Variants in MEIOSIN observed in about 807,000 individuals in gnomAD.
The protein encoded by MEIOSIN is meiosis initiator.
A neutral mutation model predicts 23.4 loss-of-function variants in MEIOSIN; 18 were observed. The observed-to-expected ratio is 0.77, with a 90% CI of 0.53 to 1.14. The LOEUF (loss-of-function observed/expected upper bound fraction) is 1.14, where lower values mean the gene tolerates loss of function less well. Ranked by LOEUF, MEIOSIN falls within the 50% of genes most tolerant of loss-of-function variation. MEIOSIN has a pLI of 0.00. For synonymous variants in MEIOSIN, 187 were observed against 100.6 expected, an observed-to-expected ratio of 1.86 and a Z score of -5.14; for missense variants, 428 against 242.9, an observed-to-expected ratio of 1.76 and a Z score of -5.07.
At chr19:45,760,836 GA>G (rs1968922365) in intron 11 of MEIOSIN, among the ~76,000 whole-genome samples, 1 of 151,174 alleles carries the variant, frequency 6.6e-6, no homozygotes, top group South Asian at 2.1e-4. Context: ...TCTGAGGCAG[GA>G]GAATCACTTG....
Position 45,761,765 on chromosome 19 carries a change from G to C in MEIOSIN, c.1332G>C (p.Ser444=). The C allele has an allele frequency of 1.4e-6, 1 of 701,698 alleles. No individual in the cohort carries two copies. The highest frequency in any genetic ancestry group is 1.5e-5 in the South Asian group (1 of 67,308). The allele number at this position is 701,698 out of a possible 1,614,324, so 43.5% of individuals were successfully genotyped here. The part of the protein sequence containing the change: ...SSVSLDHCYL[S]LSGNSKAPSS... ...TCTCGCTGGACCACTGCTACCTCTC[G>C]CTGAGCGGGAACAGCAAGGCGCCAT... The change falls in exon 12 of 15, where the codon TCG becomes TCC. Residue 444 remains serine (S), a synonymous_variant. Coordinates refer to ENST00000457052, the MANE Select transcript of MEIOSIN (RefSeq NM_001310124.2).
chr19:45,748,218 CA>C (rs929543819), intron 4 of MEIOSIN, among the ~76,000 whole-genome samples: 8 of 152,106 alleles, frequency 5.3e-5, no homozygotes, highest in Non-Finnish European at 1.0e-4. Context: ...GCTGGGACTA[CA>C]GGTGCCCGCC....
At chr19:45,743,950 C>T (rs1186780741) in intron 3 of MEIOSIN, among the ~76,000 whole-genome samples, 2 of 152,116 alleles carry the variant, frequency 1.3e-5, no homozygotes, top group African/African-American at 4.8e-5. Flanking sequence ...AGCCACCACA[C>T]TCAGTCAAAA....
At chr19:45,754,024 C>T (rs1166653495) in intron 6 of MEIOSIN, among the ~76,000 whole-genome samples, 1 of 130,630 alleles carries the variant, frequency 7.7e-6, no homozygotes, top group Non-Finnish European at 1.6e-5. Context: ...ACTCTGTCCA[C>T]CAGGCTGGAG....
intron 2 of MEIOSIN, among the ~76,000 whole-genome samples, chr19:45,735,980 T>C (rs992076029): frequency 1.3e-5 from 2 of 151,904 alleles, no homozygotes; most frequent in Non-Finnish European, 2.9e-5. Context: ...CCCAGCCCAT[T>C]TCTTTTTTTA....
chr19:45,759,631 C>T, intron 11 of MEIOSIN, 141 bp downstream of exon 11: 1 of 624,378 alleles, frequency 1.6e-6, no homozygotes, highest in Non-Finnish European at 2.9e-6. Flanking sequence ...TGCGTCTCCT[C>T]ATCCTTAAAA....
intron 5 of MEIOSIN, among the ~76,000 whole-genome samples, chr19:45,751,471 C>G (rs1968707131): frequency 6.6e-6 from 1 of 151,778 alleles, no homozygotes; most frequent in African/African-American, 2.4e-5. Context: ...CCAGCCTCAT[C>G]TCCTACCATT....
At chr19:45,754,448 C>A (rs746364084) in intron 6 of MEIOSIN, 31 bp from the exon 7 acceptor site, 28 of 691,532 alleles carry the variant, frequency 4.0e-5, no homozygotes, top group Admixed American at 2.9e-4. Flanking sequence ...ACTCCCAGGC[C>A]CCTCTGACAC....
chr19:45,762,593 C>CAT (rs1487349037), intron 13 of MEIOSIN, among the ~76,000 whole-genome samples: 1 of 151,950 alleles, frequency 6.6e-6, no homozygotes, highest in Non-Finnish European at 1.5e-5. Flanking sequence ...GGATAACAGG[C>CAT]GCGCCATCAG....
At chr19:45,758,372 CTTT>C (rs199876494) in intron 9 of MEIOSIN, among the ~76,000 whole-genome samples, 1 of 150,710 alleles carries the variant, frequency 6.6e-6, no homozygotes, top group African/African-American at 2.4e-5. Flanking sequence ...ATTGATTTTT[CTTT>C]TTTTTTGGCC....
intron 11 of MEIOSIN, among the ~76,000 whole-genome samples, chr19:45,760,206 A>G (rs1304715329): frequency 6.6e-6 from 1 of 151,334 alleles, no homozygotes; most frequent in African/African-American, 2.4e-5. Flanking sequence ...GGTGGCTCAC[A>G]CCTGTAATCT....
intron 5 of MEIOSIN, among the ~76,000 whole-genome samples, chr19:45,752,138 A>G (rs1468853988): frequency 2.0e-5 from 3 of 151,560 alleles, no homozygotes; most frequent in East Asian, 1.9e-4. Flanking sequence ...CCAGGACTCA[A>G]AACTCCAGGG....
intron 8 of MEIOSIN, among the ~76,000 whole-genome samples, chr19:45,756,825 A>G (rs1270433911): frequency 6.6e-6 from 1 of 151,960 alleles, no homozygotes; most frequent in Non-Finnish European, 1.5e-5. Flanking sequence ...TCACACTGCC[A>G]CACATTTGCC....
Position 45,754,578 on chromosome 19 carries a change from G to A in MEIOSIN, c.656G>A (p.Gly219Glu), listed in dbSNP as rs1234791698. The A allele has an allele frequency of 1.4e-6, 1 of 703,048 alleles. No individual in the cohort carries two copies. Among genetic ancestry groups the A allele is most frequent in the East Asian group, 2.7e-5 (1 of 37,288 alleles). 43.6% of individuals were successfully genotyped at this position (703,048 alleles called of 1,614,324 possible). ...PSPDQKGSGTGGTTTPPRCPD... is the reference protein window; with the variant it reads ...PSPDQKGSGTEGTTTPPRCPD... ...CCAGACCAGAAAGGAAGTGGCACAG[G>A]GGGGACCACTACCCCTCCAAGGTGC... is the stretch of plus-strand genomic sequence containing the variant. Residue 219 changes from glycine (G) to glutamate (E), a missense_variant, in exon 7 of 15, where the codon GGG becomes GAG. By Grantham distance (98) the Gly-to-Glu change is moderately conservative (BLOSUM62 -2). Coordinates refer to ENST00000457052, the MANE Select transcript of MEIOSIN (RefSeq NM_001310124.2).
chr19:45,743,378 G>GAT (rs199677395), intron 3 of MEIOSIN, among the ~76,000 whole-genome samples: 7 of 151,908 alleles, frequency 4.6e-5, no homozygotes, highest in Non-Finnish European at 8.8e-5. Flanking sequence ...GAAATAATGT[G>GAT]ATATATATAT....
rs1600390568 is a variant in MEIOSIN at position 45,758,912 on chromosome 19, T to C, written c.1047T>C (p.Asp349=). The C allele has an allele frequency of 2.8e-6, 2 of 703,104 alleles. No homozygotes were observed. Among genetic ancestry groups the C allele is most frequent in the Non-Finnish European group, 5.2e-6 (2 of 385,022 alleles). The allele number at this position is 703,104 out of a possible 1,614,324, so 43.6% of individuals were successfully genotyped here. ...SPLFLGPPQI[D]VWSGTGHPSE... ...TGTTCCTGGGGCCTCCCCAGATTGA[T>C]GTCTGGAGTGGAACAGGCCACCCAA... Residue 349 remains aspartate (D), a synonymous_variant, in exon 10 of 15, where the codon GAT becomes GAC. Coordinates refer to ENST00000457052, the MANE Select transcript of MEIOSIN (RefSeq NM_001310124.2).
At chr19:45,746,658 A>G (rs1208847301) in intron 4 of MEIOSIN, among the ~76,000 whole-genome samples, 1 of 152,004 alleles carries the variant, frequency 6.6e-6, no homozygotes, top group Non-Finnish European at 1.5e-5. Flanking sequence ...CGTCTCTACT[A>G]AAAATACAAC....
intron 9 of MEIOSIN, among the ~76,000 whole-genome samples, chr19:45,757,996 G>A (rs1968865128): frequency 7.6e-6 from 1 of 131,010 alleles, no homozygotes; most frequent in Admixed American, 8.9e-5. Flanking sequence ...CCCGACCTCA[G>A]AATCCATTTT....
intron 3 of MEIOSIN, among the ~76,000 whole-genome samples, chr19:45,742,162 C>T (rs1968517303): frequency 6.6e-6 from 1 of 151,878 alleles, no homozygotes; most frequent in Non-Finnish European, 1.5e-5. Context: ...AGGCGTGAGC[C>T]ACCACGCCCA....
Sources: allele counts gnomAD v4.1 joint callset (sites outside exome capture counted in the v4.1 genomes callset), GRCh38; gene constraint gnomAD v4.1.1; transcripts MANE v1.5; gene names NCBI Gene and HGNC (gene_info 2026-07-23, HGNC 2026-07-21).